Variants in ZNF569 observed in about 807,000 individuals in gnomAD.
The protein encoded by ZNF569 is zinc finger protein 569, also known as DNA-binding protein.
A neutral mutation model predicts 56.3 loss-of-function variants in ZNF569; 38 were observed. The ratio of observed to expected loss-of-function variants is 0.68; its 90% confidence interval spans 0.52 to 0.88. The LOEUF (loss-of-function observed/expected upper bound fraction) is 0.88. Ranked by LOEUF, ZNF569 falls within the 40% of genes least tolerant of loss-of-function variation. The pLI is 0.00. For missense variants in ZNF569, 666 were observed against 809.2 expected (o/e 0.82, Z 2.15); for synonymous variants, 241 against 262.9 (o/e 0.92, Z 0.81).
At chr19:37,417,904 T>G (rs1426564521) in intron 5 of ZNF569, among the ~76,000 whole-genome samples, 1 of 151,934 alleles carries the variant, frequency 6.6e-6, no homozygotes, top group African/African-American at 2.4e-5. Flanking sequence ...GTTAAGAGAC[T>G]AGCCTGGCCA....
chr19:37,450,263 G>GGCTC (rs962660141), intron 2 of ZNF569, among the ~76,000 whole-genome samples: 56 of 152,294 alleles, frequency 3.7e-4, no homozygotes, highest in African/African-American at 1.3e-3. Context: ...ATTCACCAGT[G>GGCTC]GAGCTGTATG....
intron 2 of ZNF569, among the ~76,000 whole-genome samples, chr19:37,453,610 T>C (rs2041628555): frequency 6.6e-6 from 1 of 152,214 alleles, no homozygotes; most frequent in Non-Finnish European, 1.5e-5. Context: ...AATTTTTTTC[T>C]TGTTATCTTC....
intron 2 of ZNF569, among the ~76,000 whole-genome samples, chr19:37,464,221 ACT>A (rs1473338786): frequency 1.3e-5 from 2 of 152,044 alleles, no homozygotes; most frequent in Non-Finnish European, 2.9e-5. Context: ...ACGGAGTCTC[ACT>A]CTGTTGCCCA....
At chr19:37,457,043 T>C (rs926301285) in intron 2 of ZNF569, among the ~76,000 whole-genome samples, 3 of 114,438 alleles carry the variant, frequency 2.6e-5, no homozygotes, top group African/African-American at 1.0e-4. Context: ...CAAAGAATAC[T>C]TCTAAAACCC....
rs958600921 is a variant in ZNF569, at chr19:37,434,280, C to T, written c.16-7902G>A. On this transcript the variant is annotated intron_variant, in intron 3 of 5. Coordinates refer to ENST00000316950, the MANE Select transcript of ZNF569 (RefSeq NM_152484.3). The stretch of plus-strand genomic sequence containing the variant: ...GTGCCACTGCACTCCAGCCTGGTGA[C>T]AAGAGCGAGACTCTGTCTCAAAAAA... 2.9e-5 allele frequency among the ~76,000 whole-genome samples: 4 copies of T among 138,456 alleles called. No individual in the cohort carries two copies. The East Asian group carries it at 8.5e-4, about 30-fold the overall frequency. 90.8% of individuals were successfully genotyped at this position (138,456 alleles called of 152,430 possible). A position where few individuals can be genotyped will look rare whatever the true frequency, so the allele number is the denominator to read the frequency against.
chr19:37,428,344 AAATGAATGAATGAATG>A (rs553125324), intron 3 of ZNF569, among the ~76,000 whole-genome samples: 3 of 140,116 alleles, frequency 2.1e-5, no homozygotes, highest in African/African-American at 9.7e-5. Flanking sequence ...TCTCTACAAT[AAATGAATGAATGAATG>A]AATGAATGAA....
At position 37,412,895 on chromosome 19, in the gene ZNF569, G is replaced by A. The variant is rs2146846492; in HGVS notation, c.1763C>T (p.Ser588Phe). The A allele has an allele frequency of 6.2e-7, 1 of 1,613,868 alleles. No homozygotes were observed. Among genetic ancestry groups the A allele is most frequent in the Middle Eastern group, 1.6e-4 (1 of 6,062 alleles). The change falls in exon 6 of 6, where the codon TCT becomes TTT. Residue 588 changes from serine to phenylalanine, a missense_variant. Coordinates refer to ENST00000316950, the MANE Select transcript of ZNF569 (RefSeq NM_152484.3). ...GTGCACAATAAGGGAAGTTCTTTGA[G>A]AGAAGGCTTTCCCACATTCATTACA... ...YVCNECGKAF[S>F]QRTSLIVHMR...
At chr19:37,416,680 C>CT in intron 5 of ZNF569, among the ~76,000 whole-genome samples, 1 of 151,806 alleles carries the variant, frequency 6.6e-6, no homozygotes, top group South Asian at 2.1e-4. Flanking sequence ...TTTTTTGTTG[C>CT]TTTTTTCCCC....
rs1364908679 is a variant in ZNF569 at position 37,412,804 on chromosome 19, G to C, written c.1854C>G (p.Ser618Arg). ...CTCGTATATGTATAGTAAGGGATGAGCTTTGGGAGAAGGCTTTTCCACATT... is the reference window on the plus strand; with the variant it reads ...CTCGTATATGTATAGTAAGGGATGACCTTTGGGAGAAGGCTTTTCCACATT... Reference protein sequence around the residue: ...CNKCGKAFSQSSSLTIHIRGH... With the variant: ...CNKCGKAFSQRSSLTIHIRGH... Residue 618 changes from serine to arginine, a missense_variant, in exon 6 of 6, where the codon AGC (serine) becomes AGG (arginine). Physicochemically the swap from Ser to Arg is moderately radical, Grantham distance 110. Coordinates refer to ENST00000316950, the MANE Select transcript of ZNF569 (RefSeq NM_152484.3). 1 of 1,613,946 alleles carries C rather than the reference G, an allele frequency of 6.2e-7. No individual in the cohort carries two copies. Among genetic ancestry groups the C allele is most frequent in the Non-Finnish European group, 8.5e-7 (1 of 1,179,950 alleles).
chr19:37,437,593 CA>C (rs903447497), intron 3 of ZNF569, among the ~76,000 whole-genome samples: 7 of 151,864 alleles, frequency 4.6e-5, no homozygotes, highest in Non-Finnish European at 7.4e-5. Flanking sequence ...AAGACTCCAG[CA>C]AAAAAAGTAC....
chr19:37,462,133 CATAAG>C (rs2041766673), intron 2 of ZNF569, among the ~76,000 whole-genome samples: 1 of 152,110 alleles, frequency 6.6e-6, no homozygotes, highest in Non-Finnish European at 1.5e-5. Context: ...TTAAAACAAT[CATAAG>C]AGAAGGTTTA....
chr19:37,463,343 CCAT>C (rs908835965), intron 2 of ZNF569, among the ~76,000 whole-genome samples: 29 of 152,138 alleles, frequency 1.9e-4, no homozygotes, highest in African/African-American at 5.8e-4. Flanking sequence ...GACATCATAG[CCAT>C]CATAACATCG....
At chr19:37,415,392 T>C (rs1316330978) in intron 5 of ZNF569, among the ~76,000 whole-genome samples, 1 of 152,004 alleles carries the variant, frequency 6.6e-6, no homozygotes, top group Non-Finnish European at 1.5e-5. Context: ...ATCCTTTATA[T>C]AAAATAGGAA....
chr19:37,452,266 A>C lies in ZNF569; in HGVS notation c.-43-7302T>G, dbSNP rs527588188. On this transcript the variant is annotated intron_variant, in intron 2 of 5. Transcript: ENST00000316950. ...ACATCTATTCACAGTGTATCTTTTAACATATTTCATATCTATTTTTAATAC... is the reference window on the plus strand; with the variant it reads ...ACATCTATTCACAGTGTATCTTTTACCATATTTCATATCTATTTTTAATAC... 7.2e-5 allele frequency among the ~76,000 whole-genome samples: 11 copies of C among 152,314 alleles called. No homozygotes were observed. The South Asian group carries it at 2.3e-3, about 32-fold the overall frequency.
intron 5 of ZNF569, among the ~76,000 whole-genome samples, chr19:37,424,183 G>T (rs1451998634): frequency 6.6e-6 from 1 of 152,120 alleles, no homozygotes; most frequent in Non-Finnish European, 1.5e-5. Context: ...TGGGAAGTAT[G>T]ACTGTACGAC....
intron 5 of ZNF569, among the ~76,000 whole-genome samples, chr19:37,415,645 C>A (rs961941277): frequency 6.6e-6 from 1 of 150,902 alleles, no homozygotes; most frequent in Non-Finnish European, 1.5e-5. Flanking sequence ...CCAAGGCGGG[C>A]GGATCGCGAG....
At chr19:37,428,658 T>A (rs2041175284) in intron 3 of ZNF569, among the ~76,000 whole-genome samples, 1 of 151,640 alleles carries the variant, frequency 6.6e-6, no homozygotes, top group Non-Finnish European at 1.5e-5. Flanking sequence ...TAAAGTAGTA[T>A]ATATCTGTGG....
chr19:37,415,512 T>C lies in ZNF569; in HGVS notation c.239-1093A>G, dbSNP rs938446816. Among the ~76,000 whole-genome samples the C allele has an allele frequency of 9.2e-5, 14 of 152,224 alleles. No individual in the cohort carries two copies. The South Asian group carries it at 1.9e-3, about 20-fold the overall frequency. ...CATTAAAGTCAGAAATAAGAAAAGA[T>C]GAGTTGTCACCACTCATTGCAGTAC... On this transcript the variant is annotated intron_variant, in intron 5 of 5. Transcript: ENST00000316950.
chr19:37,463,173 A>G (rs1345843587), intron 2 of ZNF569, among the ~76,000 whole-genome samples: 1 of 152,206 alleles, frequency 6.6e-6, no homozygotes. Flanking sequence ...ACTACTTCTT[A>G]GCATTTTTAC....
Sources: gnomAD v4.1 joint callset for allele counts (sites outside exome capture counted in the v4.1 genomes callset) on GRCh38, gnomAD v4.1.1 for gene constraint, MANE v1.5 for transcripts, NCBI Gene and HGNC (gene_info 2026-07-23, HGNC 2026-07-21) for gene names.